SDC2: variants seen among roughly 807,000 people sequenced by gnomAD.
SDC2 encodes the protein syndecan-2.
A neutral mutation model predicts 22.2 loss-of-function variants in SDC2; 13 were observed. That is an observed-to-expected ratio of 0.59 (90% confidence interval 0.38 to 0.93). The LOEUF (loss-of-function observed/expected upper bound fraction) is 0.93, where lower values mean the gene tolerates loss of function less well. SDC2 is among the 40% of genes least tolerant of loss of function. The pLI is 0.00. For missense variants in SDC2, 235 were observed against 246.8 expected (o/e 0.95, Z 0.32); for synonymous variants, 94 against 92.8 (o/e 1.01, Z -0.07).
intron 1 of SDC2, among the ~76,000 whole-genome samples, chr8:96,513,564 C>G (rs1813359210): frequency 6.6e-6 from 1 of 152,162 alleles, no homozygotes; most frequent in Non-Finnish European, 1.5e-5. Flanking sequence ...TATAAACCAG[C>G]TTTAGCATTC....
At chr8:96,526,193 T>C (rs1350626548) in intron 1 of SDC2, among the ~76,000 whole-genome samples, 1 of 152,230 alleles carries the variant, frequency 6.6e-6, no homozygotes, top group Non-Finnish European at 1.5e-5. Flanking sequence ...ATGTTTGTTA[T>C]GGGCATAAGG....
At chr8:96,600,672 T>C (rs892855537) in intron 2 of SDC2, among the ~76,000 whole-genome samples, 2 of 152,042 alleles carry the variant, frequency 1.3e-5, no homozygotes, top group South Asian at 2.1e-4. Context: ...GACTGGATAA[T>C]GGATTCAAAA....
chr8:96,507,009 A>AG (rs1813251403), intron 1 of SDC2, among the ~76,000 whole-genome samples: 1 of 125,220 alleles, frequency 8.0e-6, no homozygotes, highest in Non-Finnish European at 1.6e-5. Flanking sequence ...ACTCTGTCTC[A>AG]GGAAAAAAAA....
intron 1 of SDC2, among the ~76,000 whole-genome samples, chr8:96,503,465 G>A (rs181339143): frequency 1.3e-5 from 2 of 152,246 alleles, no homozygotes; most frequent in Non-Finnish European, 2.9e-5. Flanking sequence ...TTTAAAAGGT[G>A]TGTGTGTGTA....
chr8:96,597,061 C>T (rs2130641939), intron 2 of SDC2, among the ~76,000 whole-genome samples: 1 of 152,244 alleles, frequency 6.6e-6, no homozygotes, highest in Middle Eastern at 3.4e-3. Flanking sequence ...GTTCCCTGCC[C>T]TCAGAGGGAA....
chr8:96,544,357 A>G (rs560103878), intron 1 of SDC2, among the ~76,000 whole-genome samples: 2 of 152,110 alleles, frequency 1.3e-5, no homozygotes, highest in African/African-American at 2.4e-5. Context: ...CATTTGTACC[A>G]TAGGAGCTTT....
rs1350104553 is a variant in SDC2, at chr8:96,609,529, C to G, written c.587C>G (p.Thr196Ser). The change falls in exon 5 of 5, where the codon ACT (threonine) becomes AGT (serine). Residue 196 changes from threonine to serine, a missense_variant. Coordinates refer to ENST00000302190, the MANE Select transcript of SDC2 (RefSeq NM_002998.4). ...PSSAAYQKAP[T>S]KEFYA ...AGTGCTGCTTATCAGAAGGCACCTA[C>G]TAAGGAGTTTTATGCGTAAAACTCC... 6.3e-7 allele frequency: 1 copy of G among 1,598,080 alleles called. No individual in the cohort carries two copies. The highest frequency in any genetic ancestry group is 1.1e-5 in the South Asian group (1 of 88,376).
At chr8:96,585,313 A>G (rs1814663711) in intron 1 of SDC2, among the ~76,000 whole-genome samples, 1 of 152,196 alleles carries the variant, frequency 6.6e-6, no homozygotes, top group African/African-American at 2.4e-5. Context: ...GAAATGTGTC[A>G]AGAGTTTGGG....
intron 1 of SDC2, among the ~76,000 whole-genome samples, chr8:96,501,869 C>G (rs879710151): frequency 2.6e-5 from 4 of 151,836 alleles, no homozygotes; most frequent in Admixed American, 6.6e-5. Context: ...ATTATTAATC[C>G]CCTGTCAAAT....
intron 1 of SDC2, among the ~76,000 whole-genome samples, chr8:96,531,727 C>T (rs1197266461): frequency 3.9e-5 from 6 of 152,180 alleles, no homozygotes; most frequent in Admixed American, 3.3e-4. Flanking sequence ...GGTTACTTGG[C>T]GTGGTTTTAT....
intron 1 of SDC2, among the ~76,000 whole-genome samples, chr8:96,527,896 C>T (rs909166588): frequency 6.6e-6 from 1 of 152,100 alleles, no homozygotes; most frequent in African/African-American, 2.4e-5. Flanking sequence ...TACATTATAT[C>T]ATATATCTAC....
chr8:96,582,758 G>A (rs552519356), intron 1 of SDC2, among the ~76,000 whole-genome samples: 1 of 152,228 alleles, frequency 6.6e-6, no homozygotes, highest in African/African-American at 2.4e-5. Flanking sequence ...CAGGTGTGTC[G>A]GAGGCACAGG....
chr8:96,525,926 G>A (rs1001129528), intron 1 of SDC2, among the ~76,000 whole-genome samples: 1 of 152,160 alleles, frequency 6.6e-6, no homozygotes, highest in Non-Finnish European at 1.5e-5. Flanking sequence ...CATTGTCAGG[G>A]TGGGGCCGCA....
intron 1 of SDC2, among the ~76,000 whole-genome samples, chr8:96,523,010 G>A (rs571373569): frequency 3.3e-5 from 5 of 152,212 alleles, no homozygotes; most frequent in East Asian, 3.9e-4. Flanking sequence ...GGATGGAAAC[G>A]TATCCTCCCT....
intron 1 of SDC2, among the ~76,000 whole-genome samples, chr8:96,522,172 A>G (rs1435583923): frequency 6.6e-6 from 1 of 152,162 alleles, no homozygotes; most frequent in Non-Finnish European, 1.5e-5. Flanking sequence ...TATAGCTGTA[A>G]ATAAAGGGGA....
Position 96,494,193 on chromosome 8 carries a change from C to A in SDC2, c.-79C>A. 7.1e-7 allele frequency: 1 copy of A among 1,417,810 alleles called. No homozygotes were observed. The highest frequency in any genetic ancestry group is 9.6e-7 in the Non-Finnish European group (1 of 1,043,786). 87.8% of individuals were successfully genotyped at this position (1,417,810 alleles called of 1,614,324 possible). The stretch of plus-strand genomic sequence containing the variant: ...TCTGCTCCGGATTCGTGTGCGCGGG[C>A]TGCGCCGAGCGCTGGGCAGGAGGCT... On this transcript the variant is annotated 5_prime_UTR_variant, in exon 1 of 5. The change creates a new upstream start codon in the 5' untranslated region. Coordinates refer to ENST00000302190, the MANE Select transcript of SDC2 (RefSeq NM_002998.4).
chr8:96,570,519 TA>T (rs1563665592), intron 1 of SDC2, among the ~76,000 whole-genome samples: 1 of 151,978 alleles, frequency 6.6e-6, no homozygotes, highest in Non-Finnish European at 1.5e-5. Flanking sequence ...TATGTAGACT[TA>T]CAAAGAAAAA....
intron 1 of SDC2, among the ~76,000 whole-genome samples, chr8:96,529,694 C>T (rs569844027): frequency 7.2e-4 from 109 of 152,282 alleles, no homozygotes; most frequent in South Asian, 1.2e-3. Context: ...TTACTTGGGG[C>T]AGCTGACCCC....
chr8:96,568,497 G>A (rs375170239), intron 1 of SDC2, among the ~76,000 whole-genome samples: 4 of 152,206 alleles, frequency 2.6e-5, no homozygotes, highest in South Asian at 2.1e-4. Context: ...TAGTTGGAGC[G>A]ATGTATGTGG....
Sources: gnomAD v4.1 joint callset for allele counts (sites outside exome capture counted in the v4.1 genomes callset) on GRCh38, gnomAD v4.1.1 for gene constraint, MANE v1.5 for transcripts, NCBI Gene and HGNC (gene_info 2026-07-23, HGNC 2026-07-21) for gene names.